Variants in MDN1 observed in about 807,000 individuals in gnomAD.
MDN1 encodes midasin.
MDN1 carries 266 observed loss-of-function variants against 669.2 expected under a neutral mutation model. The ratio of observed to expected loss-of-function variants is 0.40; its 90% CI spans 0.36 to 0.44. The LOEUF is 0.44. MDN1 is among the 20% of genes least tolerant of loss of function. MDN1 has a pLI of 1.00. For synonymous variants in MDN1, 2,385 were observed against 2,457.1 expected (o/e 0.97, Z 0.87); for missense variants, 5,940 against 6,754.0 (o/e 0.88, Z 4.22).
rs1814222081 is a variant in MDN1 at position 89,714,896 on chromosome 6, A to G, written c.6861-145T>C. 16 of 671,020 alleles carry G rather than the reference A, an allele frequency of 2.4e-5. 1 individual carries two copies. The South Asian group carries it at 3.1e-4, about 13-fold the overall frequency. 41.6% of individuals were successfully genotyped at this position (671,020 alleles called of 1,614,324 possible). A position where few individuals can be genotyped will look rare whatever the true frequency, so the allele number is the denominator to read the frequency against. On this transcript the variant is annotated intron_variant, in intron 45 of 101. Transcript: ENST00000369393. ...CAAGGATCTTTTACTTCTAGCATGCATCAATATAGCAAAAGATTTTCTCTA... is the reference window on the plus strand; with the variant it reads ...CAAGGATCTTTTACTTCTAGCATGCGTCAATATAGCAAAAGATTTTCTCTA...
At chr6:89,713,769 C>G (rs1250625605) in intron 46 of MDN1, among the ~76,000 whole-genome samples, 1 of 152,074 alleles carries the variant, frequency 6.6e-6, no homozygotes, top group African/African-American at 2.4e-5. Flanking sequence ...AAATAAACAG[C>G]TGGGCATGGT....
chr6:89,745,230 G>C, intron 29 of MDN1, 43 bp downstream of exon 29: 1 of 1,603,816 alleles, frequency 6.2e-7, no homozygotes, highest in South Asian at 1.1e-5. Flanking sequence ...TAATCCTATG[G>C]AATTGAAATG....
rs1180139921 is a variant in MDN1, at chr6:89,751,541, T to C, written c.3117A>G (p.Glu1039=). The change falls in exon 23 of 102, where the codon GAA becomes GAG. Residue 1039 remains glutamate, a synonymous_variant. Transcript: ENST00000369393. The stretch of plus-strand genomic sequence containing the variant: ...TGTCTCCCACCGCAATCCAGTAGCC[T>C]TCAACCTGGATAAGCCGACCTCCTT... The part of the protein sequence containing the change: ...EPKGGRLIQV[E]GYWIAVGDKE... The C allele has an allele frequency of 3.1e-6, 5 of 1,613,976 alleles. No individual in the cohort carries two copies. In the East Asian group the frequency reaches 6.7e-5, roughly 22 times the overall value.
chr6:89,818,807 C>CAAA (rs547839111), intron 1 of MDN1, among the ~76,000 whole-genome samples: 2 of 99,686 alleles, frequency 2.0e-5, no homozygotes, highest in Non-Finnish European at 2.2e-5. Flanking sequence ...GACTCCGTCT[C>CAAA]AAAAAAAAAA....
chr6:89,819,190 A>G (rs865838645), intron 1 of MDN1, among the ~76,000 whole-genome samples: 5 of 152,178 alleles, frequency 3.3e-5, no homozygotes, highest in Non-Finnish European at 5.9e-5. Context: ...CGCAACCTCA[A>G]TTTCAGAAAA....
intron 2 of MDN1, among the ~76,000 whole-genome samples, chr6:89,796,654 G>C (rs959463022): frequency 4.6e-5 from 7 of 152,138 alleles, no homozygotes; most frequent in Non-Finnish European, 7.3e-5. Flanking sequence ...GGATGTGTGG[G>C]TACAGTGTGT....
In MDN1 at chr6:89,688,612, G is replaced by C. The variant is rs1454059401; in HGVS notation, c.11220C>G (p.His3740Gln). 1.9e-6 allele frequency: 3 copies of C among 1,614,098 alleles called. No homozygotes were observed. The highest frequency in any genetic ancestry group is 2.5e-6 in the Non-Finnish European group (3 of 1,180,038). ...VLQGFSEAVS[H>Q]LLQDWPEHPA... ...GGTGTTCTGGCCAGTCCTGTAGCAA[G>C]TGACTGACAGCCTCTGAGAAACCTT... The change falls in exon 66 of 102, where the codon CAC (histidine) becomes CAG (glutamine). Residue 3740 changes from histidine (H) to glutamine (Q), a missense_variant. His to Gln is a conservative substitution (Grantham distance 24). Transcript: ENST00000369393.
At chr6:89,726,482 G>GAAAAAAAAAAAAAAAAAAGAAAAAAA in intron 37 of MDN1, among the ~76,000 whole-genome samples, 1 of 90,952 alleles carries the variant, frequency 1.1e-5, no homozygotes, top group Non-Finnish European at 2.3e-5. Context: ...AAGAAAAATA[G>GAAAAAAAAAAAAAAAAAAGAAAAAAA]AAAAAAAAAA....
intron 27 of MDN1, among the ~76,000 whole-genome samples, chr6:89,746,609 A>T (rs1167041046): frequency 6.8e-5 from 1 of 14,770 alleles, no homozygotes; most frequent in African/African-American, 3.0e-4. Context: ...AAAAAAAAAA[A>T]AAAAAGAAAG....
rs762792363 is a variant in MDN1, at chr6:89,712,622, T to G, written c.7383A>C (p.Leu2461Phe). ...LSTVRRDGQI[L>F]VYCLNRMSMK... is the part of the protein sequence containing the mutation. ...TGCTCATCCTGTTGAGACAATATAC[T>G]AAGATCTGTCCATCTCTTCGGACTG... The change falls in exon 48 of 102, where the codon TTA (leucine) becomes TTC (phenylalanine). Residue 2461 changes from leucine (L) to phenylalanine (F), a missense_variant. Around this residue, in one of 5 missense-constraint regions of MDN1, gnomAD observed 2,292 missense variants for 2,638.3 expected, o/e 0.87. Coordinates refer to ENST00000369393, the MANE Select transcript of MDN1 (RefSeq NM_014611.3). The G allele has an allele frequency of 1.7e-5, 27 of 1,614,188 alleles. No individual in the cohort carries two copies. Among genetic ancestry groups the G allele is most frequent in the Non-Finnish European group, 2.2e-5 (26 of 1,180,022 alleles).
intron 1 of MDN1, chr6:89,814,865 C>T (rs1458081534): frequency 8.1e-6 from 4 of 493,490 alleles, no homozygotes; most frequent in Admixed American, 2.3e-5. Flanking sequence ...CCTCAACCTC[C>T]GGACAGGTAC....
intron 33 of MDN1, among the ~76,000 whole-genome samples, chr6:89,734,935 G>A (rs141627227): frequency 0.011 from 1,642 of 151,312 alleles, 24 homozygotes; most frequent in African/African-American, 0.038. Flanking sequence ...CTGTTGCCCA[G>A]GCTGGAGTGA....
chr6:89,692,822 G>A lies in MDN1; in HGVS notation c.10208C>T (p.Ser3403Phe), dbSNP rs1812467219. The part of the protein sequence containing the change: ...YPDAVSPLQA[S>F]ILQLQHGMRL... ...CATGCCATGTTGTAACTGCAATATG[G>A]ATGCCTGCAGTGGGCTCACGGCATC... is the stretch of plus-strand genomic sequence containing the variant. The change falls in exon 63 of 102, where the codon TCC (serine) becomes TTC (phenylalanine). Residue 3403 changes from serine (S) to phenylalanine (F), a missense_variant. Ser to Phe is a radical substitution (Grantham distance 155). This residue lies in a region of MDN1 where 150 missense variants were observed against 234.2 expected (regional missense o/e 0.64). Coordinates refer to ENST00000369393, the MANE Select transcript of MDN1 (RefSeq NM_014611.3). 1 of 1,614,106 alleles carries A rather than the reference G, an allele frequency of 6.2e-7. No homozygotes were observed. The highest frequency in any genetic ancestry group is 1.7e-5 in the Admixed American group (1 of 60,010).
intron 29 of MDN1, among the ~76,000 whole-genome samples, chr6:89,744,323 G>A (rs538653887): frequency 6.6e-6 from 1 of 152,152 alleles, no homozygotes; most frequent in African/African-American, 2.4e-5. Flanking sequence ...GCTCATGCCT[G>A]TAATCCCAAC....
intron 33 of MDN1, 124 bp from the exon 34 acceptor site, chr6:89,732,899 A>G: frequency 1.4e-6 from 1 of 735,642 alleles, no homozygotes; most frequent in Non-Finnish European, 2.2e-6. Flanking sequence ...AGTTCTGTGA[A>G]TGAATGTACA....
intron 61 of MDN1, 45 bp from the exon 62 acceptor site, chr6:89,694,228 C>T: frequency 6.7e-7 from 1 of 1,495,808 alleles, no homozygotes; most frequent in Non-Finnish European, 9.3e-7. Context: ...CCAGCTATGA[C>T]CATGCACATG....
chr6:89,746,878 T>C (rs577043358), intron 27 of MDN1, among the ~76,000 whole-genome samples: 7 of 152,326 alleles, frequency 4.6e-5, no homozygotes, highest in Non-Finnish European at 8.8e-5. Context: ...GTAACAAATT[T>C]TTCCCATGCA....
chr6:89,777,815 A>AT (rs1344048072), intron 11 of MDN1, among the ~76,000 whole-genome samples: 1 of 152,098 alleles, frequency 6.6e-6, no homozygotes, highest in African/African-American at 2.4e-5. Context: ...CTATGAGTTC[A>AT]TCCCCAACCA....
At chr6:89,693,775 C>A (rs1407605707) in intron 62 of MDN1, among the ~76,000 whole-genome samples, 1 of 152,206 alleles carries the variant, frequency 6.6e-6, no homozygotes, top group East Asian at 1.9e-4. Flanking sequence ...CCTAGTAACA[C>A]ACCTACAGCC....
Sources: gnomAD v4.1 joint callset for allele counts (sites outside exome capture counted in the v4.1 genomes callset) on GRCh38, gnomAD v4.1.1 for gene constraint, gnomAD v4.1.1 regional missense constraint, MANE v1.5 for transcripts, NCBI Gene and HGNC (gene_info 2026-07-23, HGNC 2026-07-21) for gene names.